The following SNX25 variants were observed in gnomAD, a reference collection of about 807,000 sequenced individuals.
SNX25 encodes the protein sorting nexin-25.
Under a neutral mutation model 113.7 loss-of-function variants are expected in SNX25, and 62 were observed. The observed-to-expected ratio is 0.55, with a 90% CI of 0.44 to 0.67. The LOEUF (loss-of-function observed/expected upper bound fraction) is 0.67. SNX25 is among the 30% of genes least tolerant of loss of function. SNX25 has a pLI of 0.00. For synonymous variants in SNX25, 421 were observed against 436.2 expected (o/e 0.97, Z 0.43); for missense variants, 1,014 against 1,161.0 (o/e 0.87, Z 1.84).
chr4:185,215,723 T>G (rs1239864448), intron 1 of SNX25, among the ~76,000 whole-genome samples: 1 of 152,212 alleles, frequency 6.6e-6, no homozygotes, highest in Non-Finnish European at 1.5e-5. Context: ...GAAAAATACT[T>G]TTGAGGAAGG....
At chr4:185,258,805 T>A in intron 2 of SNX25, 43 bp from the exon 3 acceptor site, 1 of 1,522,004 alleles carries the variant, frequency 6.6e-7, no homozygotes, top group Non-Finnish European at 9.1e-7. Context: ...TGGTGTTTGC[T>A]TCTTTCATTT....
Position 185,258,858 on chromosome 4 carries a change from C to T in SNX25, c.525C>T (p.Tyr175=). Residue 175 remains tyrosine (Y), a synonymous_variant, in exon 3 of 19, where the codon TAC becomes TAT. Transcript: ENST00000652585. ...MDKALKEVFD[Y]SYRDYILSWY... ...GTTTATTCCTGGTAGTGTTCGACTA[C>T]AGTTATAGAGATTACATTCTGTCCT... 1.2e-6 allele frequency: 2 copies of T among 1,612,482 alleles called. No individual in the cohort carries two copies. Among genetic ancestry groups the T allele is most frequent in the Non-Finnish European group, 1.7e-6 (2 of 1,178,642 alleles).
At chr4:185,304,443 C>T (rs1057369101) in intron 6 of SNX25, among the ~76,000 whole-genome samples, 3 of 152,178 alleles carry the variant, frequency 2.0e-5, no homozygotes, top group Non-Finnish European at 2.9e-5. Context: ...CCTCAACCTC[C>T]ACCTCCTGGG....
At chr4:185,322,633 G>GT (rs1396030247) in intron 8 of SNX25, among the ~76,000 whole-genome samples, 1 of 152,094 alleles carries the variant, frequency 6.6e-6, no homozygotes, top group Non-Finnish European at 1.5e-5. Context: ...CAATATTGTA[G>GT]TTGCTAACTC....
chr4:185,370,314 C>A, downstream of SNX25: 1 of 247,194 alleles, frequency 4.0e-6, no homozygotes, highest in East Asian at 8.6e-5. Flanking sequence ...CTAGAATGAA[C>A]GTATACATTC....
intron 3 of SNX25, among the ~76,000 whole-genome samples, chr4:185,263,233 G>T (rs751672577): frequency 1.3e-5 from 2 of 151,094 alleles, no homozygotes; most frequent in Non-Finnish European, 3.0e-5. Context: ...TGTAAAAGTG[G>T]TTTTTTTTTC....
intron 9 of SNX25, 76 bp from the exon 10 acceptor site, chr4:185,332,519 C>T (rs1318481751): frequency 4.5e-6 from 6 of 1,340,138 alleles, no homozygotes; most frequent in Non-Finnish European, 5.0e-6. Context: ...TATTTTGCAA[C>T]AGGGTATCGT....
rs143650995 is a variant in SNX25, at chr4:185,319,193, C to CT, written c.1345-1517dup. On this transcript the variant is annotated intron_variant, in intron 7 of 18. Transcript: ENST00000652585. ...TAAATACATTTTCTTTGAGAAAGTCCTTTTTTTTTTTTTTTTTTTTTTTGA... is the reference window on the plus strand; with the variant it reads ...TAAATACATTTTCTTTGAGAAAGTCCTTTTTTTTTTTTTTTTTTTTTTTTGA... Among the ~76,000 whole-genome samples, 258 of 85,926 alleles carry CT rather than the reference C, an allele frequency of 3.0e-3. 1 individual carries two copies. The highest frequency in any genetic ancestry group is 4.2e-3 in the Non-Finnish European group (206 of 48,864). The allele number at this position is 85,926 out of a possible 152,430, so 56.4% of individuals were successfully genotyped here.
chr4:185,209,619 C>T lies in SNX25; in HGVS notation c.-208C>T, dbSNP rs879392093. On this transcript the variant is annotated 5_prime_UTR_variant, in exon 1 of 19. Coordinates refer to ENST00000652585, the MANE Select transcript of SNX25 (RefSeq NM_001378034.2). The surrounding 1 kb of genome is among the most constrained non-coding windows in gnomAD (Gnocchi z 5.2). ...CTTCAGTCACAACACGGTGGGGCTC[C>T]CTGGCTGCGCCCGGCCCGGCAGCTA... 2.2e-3 allele frequency: 1,148 copies of T among 521,190 alleles called. 1 individual carries two copies. The highest frequency in any genetic ancestry group is 2.6e-3 in the Non-Finnish European group (1,056 of 405,648). 32.3% of individuals were successfully genotyped at this position (521,190 alleles called of 1,614,324 possible). A position where few individuals can be genotyped will look rare whatever the true frequency, so the allele number is the denominator to read the frequency against.
chr4:185,300,174 T>G (rs1406458079), intron 6 of SNX25, among the ~76,000 whole-genome samples: 2 of 152,122 alleles, frequency 1.3e-5, no homozygotes, highest in Non-Finnish European at 2.9e-5. Flanking sequence ...TTTTTTTTTT[T>G]TTTGAGGTGG....
At chr4:185,374,112 C>T, downstream of SNX25, 1 of 1,567,132 alleles carries the variant, frequency 6.4e-7, no homozygotes, top group Non-Finnish European at 8.8e-7. Flanking sequence ...ATAACACTAG[C>T]ATTAAAAAAG....
rs1244528172 is a variant in SNX25, at chr4:185,210,461, C to T, written c.429+206C>T. Among the ~76,000 whole-genome samples the T allele has an allele frequency of 6.7e-6, 1 of 150,104 alleles. No individual in the cohort carries two copies. Among genetic ancestry groups the T allele is most frequent in the Non-Finnish European group, 1.5e-5 (1 of 66,934 alleles). ...CGGGCTCCGGGCTCCGGGCTCCGCG[C>T]TCCGCGGTGCTGGAGGAGATGCGCG... is the stretch of plus-strand genomic sequence containing the variant. On this transcript the variant is annotated intron_variant, in intron 1 of 18. Transcript: ENST00000652585. This position sits in a 1 kb window ranked among gnomAD's most constrained non-coding sequence, Gnocchi z 4.4.
At chr4:185,312,648 G>A (rs1263907118) in intron 7 of SNX25, among the ~76,000 whole-genome samples, 2 of 150,622 alleles carry the variant, frequency 1.3e-5, no homozygotes, top group Non-Finnish European at 3.0e-5. Context: ...TCAGCCTCCC[G>A]AGCAGCTGGG....
At chr4:185,293,117 G>A (rs10049586) in intron 6 of SNX25, among the ~76,000 whole-genome samples, 10,650 of 152,218 alleles carry the variant, frequency 0.07, 503 homozygotes, top group African/African-American at 0.13. Flanking sequence ...ATCACTTCAT[G>A]CCTTCTAGGG....
At chr4:185,368,136 C>G, downstream of SNX25, among the ~76,000 whole-genome samples, 1 of 152,180 alleles carries the variant, frequency 6.6e-6, no homozygotes, top group East Asian at 1.9e-4. Context: ...CGAGATTGCG[C>G]CACTGCACTC....
chr4:185,362,536 G>A (rs1362890816), intron 17 of SNX25, 75 bp from the exon 18 acceptor site: 8 of 1,404,504 alleles, frequency 5.7e-6, no homozygotes, highest in Non-Finnish European at 8.0e-6. Flanking sequence ...GTATAATGTT[G>A]TATTCCTTTC....
chr4:185,362,157 AC>A (rs61606771), intron 17 of SNX25, 52 bp downstream of exon 17: 1 of 1,535,678 alleles, frequency 6.5e-7, no homozygotes, highest in Non-Finnish European at 8.8e-7. Flanking sequence ...GGGAATGTGA[AC>A]CCCACTGAGG....
At chr4:185,225,177 G>A (rs1266397976) in intron 1 of SNX25, among the ~76,000 whole-genome samples, 1 of 146,214 alleles carries the variant, frequency 6.8e-6, no homozygotes, top group South Asian at 2.1e-4. Flanking sequence ...GGAGTGCAGT[G>A]GCGCCATCTC....
At chr4:185,319,659 A>G (rs1256594961) in intron 7 of SNX25, among the ~76,000 whole-genome samples, 1 of 152,164 alleles carries the variant, frequency 6.6e-6, no homozygotes, top group East Asian at 1.9e-4. Flanking sequence ...ATAAACTTCT[A>G]AACTGATTGA....
Sources: gnomAD v4.1 joint callset for allele counts (sites outside exome capture counted in the v4.1 genomes callset) on GRCh38, gnomAD v4.1.1 for gene constraint, Gnocchi (gnomAD v3.1) non-coding constraint, MANE v1.5 for transcripts, NCBI Gene and HGNC (gene_info 2026-07-23, HGNC 2026-07-21) for gene names.